Variants in CNTN3 observed in about 807,000 individuals in gnomAD.
CNTN3 encodes contactin-3.
In CNTN3, 60 loss-of-function variants were observed where a neutral mutation model predicts 119.1. The ratio of observed to expected loss-of-function variants is 0.50; its 90% CI spans 0.41 to 0.62. The LOEUF is 0.62. Among genes scored for constraint, CNTN3 ranks in the 20% least tolerant of loss-of-function variants. The pLI is 0.00. For synonymous variants in CNTN3, 450 were observed against 438.7 expected (o/e 1.03, Z -0.32); for missense variants, 1,101 against 1,242.4 (o/e 0.89, Z 1.71).
At chr3:74,556,247 C>T (rs1055058357) in intron 1 of CNTN3, among the ~76,000 whole-genome samples, 2 of 152,124 alleles carry the variant, frequency 1.3e-5, no homozygotes, top group African/African-American at 2.4e-5. Flanking sequence ...TATCTAAGAA[C>T]ACTATCTAAT....
chr3:74,542,882 G>A (rs1465835169), intron 1 of CNTN3, among the ~76,000 whole-genome samples: 3 of 152,112 alleles, frequency 2.0e-5, no homozygotes, highest in Non-Finnish European at 4.4e-5. Context: ...ATTTCGGGAG[G>A]CTGGGGCTGG....
At chr3:74,556,153 T>C (rs1272289518) in intron 1 of CNTN3, among the ~76,000 whole-genome samples, 1 of 152,200 alleles carries the variant, frequency 6.6e-6, no homozygotes, top group Admixed American at 6.5e-5. Context: ...TATCAAGGTA[T>C]ACTTCACACA....
intron 20 of CNTN3, among the ~76,000 whole-genome samples, chr3:74,273,662 T>C (rs1456177967): frequency 2.0e-5 from 3 of 152,140 alleles, no homozygotes; most frequent in African/African-American, 7.2e-5. Context: ...AAAGGCCCTG[T>C]GAGTTCGCTG....
chr3:74,267,198 T>G, intron 21 of CNTN3, 68 bp downstream of exon 21: 1 of 933,426 alleles, frequency 1.1e-6, no homozygotes, highest in Non-Finnish European at 1.8e-6. Context: ...AATTCACTTA[T>G]ACCTAGCTTC....
At chr3:74,356,347 C>A (rs765735853) in intron 11 of CNTN3, among the ~76,000 whole-genome samples, 1 of 152,048 alleles carries the variant, frequency 6.6e-6, no homozygotes, top group Non-Finnish European at 1.5e-5. Context: ...TACCTTTGCA[C>A]GTGCTATTCT....
intron 12 of CNTN3, among the ~76,000 whole-genome samples, chr3:74,335,624 G>A (rs753553483): frequency 1.3e-5 from 2 of 152,170 alleles, no homozygotes; most frequent in Non-Finnish European, 2.9e-5. Context: ...CTTTAACTCA[G>A]TCTAGCCAGA....
chr3:74,458,461 T>G lies in CNTN3; in HGVS notation c.358+27995A>C, dbSNP rs1454790721. 2.0e-5 allele frequency among the ~76,000 whole-genome samples: 3 copies of G among 151,824 alleles called. No homozygotes were observed. The Admixed American group carries it at 2.0e-4, about 10-fold the overall frequency. On this transcript the variant is annotated intron_variant, in intron 4 of 22. Transcript: ENST00000263665. Reference sequence around the variant, plus strand: ...ATGTGAAAATTATATGAAACAAAAATTTCAGTGCCCATGAGTATAGTTTTA... The same window carrying G: ...ATGTGAAAATTATATGAAACAAAAAGTTCAGTGCCCATGAGTATAGTTTTA...
chr3:74,291,363 A>G (rs938883795), intron 19 of CNTN3, among the ~76,000 whole-genome samples: 3 of 152,146 alleles, frequency 2.0e-5, no homozygotes, highest in Admixed American at 1.3e-4. Flanking sequence ...ATAAACATAC[A>G]TGTGCATGTG....
chr3:74,352,481 T>C (rs1703838946), intron 11 of CNTN3, among the ~76,000 whole-genome samples: 1 of 152,198 alleles, frequency 6.6e-6, no homozygotes, highest in African/African-American at 2.4e-5. Flanking sequence ...CTTTCCCTTC[T>C]AAAATGTCCC....
intron 13 of CNTN3, among the ~76,000 whole-genome samples, chr3:74,306,420 A>G (rs1336660831): frequency 6.6e-6 from 1 of 152,152 alleles, no homozygotes; most frequent in African/African-American, 2.4e-5. Context: ...CACTAATAAT[A>G]CTTTGAATAA....
intron 1 of CNTN3, among the ~76,000 whole-genome samples, chr3:74,584,719 C>A: frequency 6.6e-6 from 1 of 152,270 alleles, no homozygotes; most frequent in East Asian, 1.9e-4. Context: ...TGTACTTTGA[C>A]GTGTTATATA....
At chr3:74,302,472 T>C (rs1331491082) in intron 14 of CNTN3, among the ~76,000 whole-genome samples, 1 of 152,228 alleles carries the variant, frequency 6.6e-6, no homozygotes, top group East Asian at 1.9e-4. Context: ...AGCTGTGGAA[T>C]GCCAATTACA....
chr3:74,384,829 C>T (rs933899902), intron 5 of CNTN3, among the ~76,000 whole-genome samples: 1 of 152,152 alleles, frequency 6.6e-6, no homozygotes, highest in Non-Finnish European at 1.5e-5. Flanking sequence ...GTATAGGGCT[C>T]TGGGAATTAC....
intron 5 of CNTN3, among the ~76,000 whole-genome samples, chr3:74,406,503 C>T (rs937222852): frequency 6.7e-6 from 1 of 149,888 alleles, no homozygotes; most frequent in Non-Finnish European, 1.5e-5. Flanking sequence ...AGCATCGTTG[C>T]TTTTCTTATT....
At chr3:74,482,094 C>T (rs1035847023) in intron 4 of CNTN3, among the ~76,000 whole-genome samples, 1 of 151,570 alleles carries the variant, frequency 6.6e-6, no homozygotes, top group Non-Finnish European at 1.5e-5. Flanking sequence ...CAATATTTCT[C>T]GACATTTTCT....
At chr3:74,307,137 G>T (rs771138377) in intron 13 of CNTN3, among the ~76,000 whole-genome samples, 2 of 152,072 alleles carry the variant, frequency 1.3e-5, no homozygotes, top group Non-Finnish European at 2.9e-5. Context: ...TAAGAACACG[G>T]TTTATTTGAG....
chr3:74,521,090 A>G lies in CNTN3; in HGVS notation c.23T>C (p.Leu8Ser). The change falls in exon 2 of 23, where the codon TTG (leucine) becomes TCG (serine). Residue 8 changes from leucine (L) to serine (S), a missense_variant. Physicochemically the swap from Leu to Ser is moderately radical, Grantham distance 145. Coordinates refer to ENST00000263665, the MANE Select transcript of CNTN3 (RefSeq NM_020872.3). ...GCAGCCAATGAATGAAAGCAGGATC[A>G]ACTGTTTCCATGGAAACATCATCTT... is the stretch of plus-strand genomic sequence containing the variant. Reference protein sequence around the residue: MMFPWKQLILLSFIGCLG... With the variant: MMFPWKQSILLSFIGCLG... The G allele has an allele frequency of 6.2e-7, 1 of 1,601,224 alleles. No individual in the cohort carries two copies. The highest frequency in any genetic ancestry group is 8.5e-7 in the Non-Finnish European group (1 of 1,172,952).
intron 20 of CNTN3, among the ~76,000 whole-genome samples, chr3:74,269,655 T>C (rs182622101): frequency 1.3e-5 from 2 of 152,298 alleles, no homozygotes; most frequent in Admixed American, 1.3e-4. Context: ...ATGGGGCATT[T>C]ACCTATAATG....
intron 5 of CNTN3, among the ~76,000 whole-genome samples, chr3:74,421,153 T>C: frequency 6.6e-6 from 1 of 152,084 alleles, no homozygotes; most frequent in East Asian, 1.9e-4. Flanking sequence ...CTAACACTAC[T>C]ATGATTATTT....
Sources: gnomAD v4.1 joint callset for allele counts (sites outside exome capture counted in the v4.1 genomes callset) on GRCh38, gnomAD v4.1.1 for gene constraint, MANE v1.5 for transcripts, NCBI Gene and HGNC (gene_info 2026-07-23, HGNC 2026-07-21) for gene names.